HIBADH: variants seen among roughly 807,000 people sequenced by gnomAD.
HIBADH encodes the protein 3-hydroxyisobutyrate dehydrogenase, also known as 3-hydroxyisobutyrate dehydrogenase, mitochondrial.
Under a neutral mutation model 36.1 loss-of-function variants are expected in HIBADH, and 25 were observed. The observed-to-expected ratio is 0.69, with a 90% CI of 0.50 to 0.97. The LOEUF (loss-of-function observed/expected upper bound fraction) is 0.97. Among genes scored for constraint, HIBADH ranks in the 50% least tolerant of loss-of-function variants. HIBADH has a pLI of 0.00. For synonymous variants in HIBADH, 160 were observed against 149.5 expected, an observed-to-expected ratio of 1.07 and a Z score of -0.51; for missense variants, 421 against 418.0, an observed-to-expected ratio of 1.01 and a Z score of -0.06.
Position 27,538,330 on chromosome 7 carries a change from A to G in HIBADH, c.695+11T>C, listed in dbSNP as rs550568852. On this transcript the variant is annotated intron_variant, in intron 6 of 7. Coordinates refer to ENST00000265395, the MANE Select transcript of HIBADH (RefSeq NM_152740.4). ...AAAAATGTTAGTATAAAAACGTACT[A>G]TTCAACAAACCTGATTCCAAGATTC... The G allele has an allele frequency of 4.6e-5, 73 of 1,602,888 alleles. No homozygotes were observed. The South Asian group carries it at 7.7e-4, about 17-fold the overall frequency.
At chr7:27,644,858 T>C (rs571261675) in intron 2 of HIBADH, among the ~76,000 whole-genome samples, 13 of 152,330 alleles carry the variant, frequency 8.5e-5, no homozygotes, top group African/African-American at 3.1e-4. Context: ...ACCACTGATC[T>C]ACTTTGTGTC....
chr7:27,596,717 T>C (rs184404830), intron 4 of HIBADH, among the ~76,000 whole-genome samples: 5 of 152,288 alleles, frequency 3.3e-5, no homozygotes, highest in Admixed American at 3.3e-4. Context: ...GGACCAAAAG[T>C]GTTTTGGATT....
intron 2 of HIBADH, among the ~76,000 whole-genome samples, chr7:27,644,377 A>T (rs1010331751): frequency 6.6e-6 from 1 of 152,090 alleles, no homozygotes; most frequent in South Asian, 2.1e-4. Context: ...AGGCGGGTGG[A>T]TCACCTGAGG....
chr7:27,537,543 A>G (rs190190603), intron 6 of HIBADH, among the ~76,000 whole-genome samples: 1 of 152,184 alleles, frequency 6.6e-6, no homozygotes, highest in Non-Finnish European at 1.5e-5. Context: ...CATCCTGCTC[A>G]TTAAGCATTT....
intron 7 of HIBADH, among the ~76,000 whole-genome samples, chr7:27,528,430 GAAGAA>G (rs1339036915): frequency 6.6e-6 from 1 of 152,184 alleles, no homozygotes; most frequent in Non-Finnish European, 1.5e-5. Context: ...AAAAATTCTT[GAAGAA>G]AATTACAAAT....
chr7:27,578,034 G>C (rs760309743), intron 4 of HIBADH, among the ~76,000 whole-genome samples: 3 of 152,066 alleles, frequency 2.0e-5, no homozygotes, highest in Non-Finnish European at 4.4e-5. Flanking sequence ...ACAGAATACT[G>C]TTATTAGCAT....
chr7:27,565,508 G>C (rs1245410919), intron 4 of HIBADH, among the ~76,000 whole-genome samples: 2 of 152,154 alleles, frequency 1.3e-5, no homozygotes, highest in African/African-American at 4.8e-5. Context: ...ATGAATTTCT[G>C]TATGTTGACC....
intron 4 of HIBADH, among the ~76,000 whole-genome samples, chr7:27,564,393 A>C (rs1319458421): frequency 6.6e-6 from 1 of 151,846 alleles, no homozygotes; most frequent in African/African-American, 2.4e-5. Context: ...TTTTTTTCTT[A>C]ATATATGTAG....
At chr7:27,552,015 A>G (rs1410590024) in intron 4 of HIBADH, among the ~76,000 whole-genome samples, 1 of 152,220 alleles carries the variant, frequency 6.6e-6, no homozygotes, top group Non-Finnish European at 1.5e-5. Flanking sequence ...ATTCGCAGAA[A>G]AAGGCGACAG....
At position 27,561,008 on chromosome 7, in the gene HIBADH, G is replaced by C. The variant is rs141638054; in HGVS notation, c.485-17908C>G. ...TTTAATAGTAGCCATTCTCATGAGT[G>C]TTCAGTGTAATCTCTTTGTGGTTTT... is the stretch of plus-strand genomic sequence containing the variant. On this transcript the variant is annotated intron_variant, in intron 4 of 7. Transcript: ENST00000265395. Among the ~76,000 whole-genome samples the C allele has an allele frequency of 5.3e-5, 8 of 152,256 alleles. 1 individual carries two copies. The East Asian group carries it at 1.3e-3, about 26-fold the overall frequency.
At chr7:27,594,852 G>T (rs1389670736) in intron 4 of HIBADH, among the ~76,000 whole-genome samples, 1 of 151,008 alleles carries the variant, frequency 6.6e-6, no homozygotes, top group Admixed American at 6.6e-5. Flanking sequence ...TTGAAATTAG[G>T]GTAAAAAAAC....
intron 4 of HIBADH, among the ~76,000 whole-genome samples, chr7:27,608,118 C>T (rs1307810340): frequency 6.6e-6 from 1 of 152,086 alleles, no homozygotes; most frequent in African/African-American, 2.4e-5. Context: ...ATTATGATAA[C>T]CAAAACTAAC....
At chr7:27,588,351 T>TA (rs774477366) in intron 4 of HIBADH, among the ~76,000 whole-genome samples, 1 of 152,194 alleles carries the variant, frequency 6.6e-6, no homozygotes, top group Non-Finnish European at 1.5e-5. Context: ...GTTTAAGAGA[T>TA]ACGGTCTCAC....
At chr7:27,651,050 T>C (rs980469722) in intron 1 of HIBADH, among the ~76,000 whole-genome samples, 4 of 152,178 alleles carry the variant, frequency 2.6e-5, no homozygotes, top group Non-Finnish European at 5.9e-5. Flanking sequence ...CAGCATTCTT[T>C]TTCTTTTTTC....
intron 4 of HIBADH, among the ~76,000 whole-genome samples, chr7:27,601,312 T>C (rs1201755048): frequency 1.3e-5 from 2 of 152,112 alleles, no homozygotes; most frequent in Non-Finnish European, 2.9e-5. Flanking sequence ...GGATTAAAAA[T>C]ACTAACAAGA....
rs1425919679 is a variant in HIBADH, at chr7:27,662,855, T to C, written c.-67A>G. On this transcript the variant is annotated 5_prime_UTR_variant, in exon 1 of 8. Transcript: ENST00000265395. The stretch of plus-strand genomic sequence containing the variant: ...CCGGAGGGCCCACAGACTGCGAGCG[T>C]GTGCAGCGGGACTGGCTGGCTCGCC... 2.4e-6 allele frequency: 3 copies of C among 1,264,172 alleles called. No homozygotes were observed. Among genetic ancestry groups the C allele is most frequent in the Non-Finnish European group, 3.1e-6 (3 of 955,298 alleles). The allele number at this position is 1,264,172 out of a possible 1,614,324, so 78.3% of individuals were successfully genotyped here.
chr7:27,607,671 T>C (rs1330840436), intron 4 of HIBADH, among the ~76,000 whole-genome samples: 2 of 152,150 alleles, frequency 1.3e-5, no homozygotes, highest in Non-Finnish European at 2.9e-5. Context: ...TCTGAATGTT[T>C]GTAGATATTT....
At chr7:27,532,062 T>C (rs756812631) in intron 6 of HIBADH, among the ~76,000 whole-genome samples, 1 of 152,162 alleles carries the variant, frequency 6.6e-6, no homozygotes, top group Non-Finnish European at 1.5e-5. Flanking sequence ...CTGATCCTGA[T>C]AAAACAAAGC....
chr7:27,538,449 T>C (rs17607303), intron 5 of HIBADH, 32 bp from the exon 6 acceptor site: 197,425 of 1,582,398 alleles, frequency 0.12, 13,702 homozygotes, highest in Non-Finnish European at 0.14. Flanking sequence ...ATTAAATATC[T>C]GTATTTTCAA....
Sources: allele counts gnomAD v4.1 joint callset (sites outside exome capture counted in the v4.1 genomes callset), GRCh38; gene constraint gnomAD v4.1.1; transcripts MANE v1.5; gene names NCBI Gene and HGNC (gene_info 2026-07-23, HGNC 2026-07-21).